The following TRPC4 variants were observed in gnomAD, a reference collection of about 807,000 sequenced individuals.
TRPC4 encodes the protein transient receptor potential cation channel subfamily C member 4.
In TRPC4, 49 loss-of-function variants were observed where a neutral mutation model predicts 99.4. The ratio of observed to expected loss-of-function variants is 0.49; its 90% CI spans 0.39 to 0.63. TRPC4 has a LOEUF of 0.63. TRPC4 is among the 20% of genes least tolerant of loss of function. The probability of loss-of-function intolerance (pLI) is 0.00; values close to 1 mark genes in which losing one functional copy is unlikely to be tolerated. For missense variants in TRPC4, 898 were observed against 1,152.9 expected, an observed-to-expected ratio of 0.78 and a Z score of 3.20; for synonymous variants, 454 against 425.9, an observed-to-expected ratio of 1.07 and a Z score of -0.81.
intron 3 of TRPC4, among the ~76,000 whole-genome samples, chr13:37,729,330 C>A (rs1955168948): frequency 6.6e-6 from 1 of 151,962 alleles, no homozygotes; most frequent in South Asian, 2.1e-4. Context: ...CAGATGATAA[C>A]AATTGTAGGT....
chr13:37,827,457 G>A (rs201125014), intron 1 of TRPC4, among the ~76,000 whole-genome samples: 29 of 151,990 alleles, frequency 1.9e-4, no homozygotes, highest in Admixed American at 8.5e-4. Context: ...TTTGGTGTGG[G>A]TGTCCTTTCT....
intron 3 of TRPC4, among the ~76,000 whole-genome samples, chr13:37,736,333 C>G (rs955376727): frequency 3.9e-5 from 6 of 152,146 alleles, no homozygotes; most frequent in Admixed American, 2.6e-4. Flanking sequence ...AGCAATCGGT[C>G]ATTGAGCATG....
rs1282753515 is a variant in TRPC4, at chr13:37,717,982, G to A, written c.898-25647C>T. On this transcript the variant is annotated intron_variant, in intron 3 of 10. Transcript: ENST00000379705. The stretch of plus-strand genomic sequence containing the variant: ...TTCTTATTTACTTATTTGTTTGCTT[G>A]TATATAGCTAGTAGCCTGAGGGCAG... 2.0e-5 allele frequency among the ~76,000 whole-genome samples: 3 copies of A among 152,246 alleles called. No individual in the cohort carries two copies. In the East Asian group the frequency reaches 5.8e-4, roughly 29 times the overall value.
intron 8 of TRPC4, among the ~76,000 whole-genome samples, chr13:37,649,561 C>T (rs902171766): frequency 4.0e-5 from 6 of 151,482 alleles, no homozygotes; most frequent in Non-Finnish European, 7.4e-5. Context: ...GATGAAACCC[C>T]GTCTCTACTA....
chr13:37,748,798 G>A (rs1335756231), intron 2 of TRPC4, among the ~76,000 whole-genome samples: 1 of 151,630 alleles, frequency 6.6e-6, no homozygotes, highest in Non-Finnish European at 1.5e-5. Flanking sequence ...AAATAACAGT[G>A]TAAAAGTATT....
intron 1 of TRPC4, among the ~76,000 whole-genome samples, chr13:37,850,681 G>A (rs510376): frequency 0.26 from 39,791 of 152,004 alleles, 5,542 homozygotes; most frequent in East Asian, 0.43. Context: ...ATTATATGTA[G>A]TGAATTAACA....
intron 3 of TRPC4, among the ~76,000 whole-genome samples, chr13:37,695,141 T>C (rs1257441119): frequency 1.3e-5 from 2 of 152,116 alleles, no homozygotes; most frequent in Non-Finnish European, 2.9e-5. Context: ...TGCCTCTCTT[T>C]CCCTCCCTGC....
chr13:37,636,150 A>G lies in TRPC4; in HGVS notation c.*753T>C, dbSNP rs1951512045. ...GAAATTCAGTTATTCATAAAGACTC[A>G]TATTTATACTGATAAGCAGTTGAAT... On this transcript the variant is annotated 3_prime_UTR_variant, in exon 11 of 11. Coordinates refer to ENST00000379705, the MANE Select transcript of TRPC4 (RefSeq NM_016179.4). 6.6e-6 allele frequency among the ~76,000 whole-genome samples: 1 copy of G among 152,106 alleles called. No individual in the cohort carries two copies. The highest frequency in any genetic ancestry group is 1.5e-5 in the Non-Finnish European group (1 of 67,984).
intron 1 of TRPC4, among the ~76,000 whole-genome samples, chr13:37,806,269 A>G (rs1298081304): frequency 6.6e-6 from 1 of 152,020 alleles, no homozygotes; most frequent in Non-Finnish European, 1.5e-5. Context: ...TCATCAGTGC[A>G]CTTTTTTTCT....
At chr13:37,754,069 C>G (rs1257417540) in intron 2 of TRPC4, among the ~76,000 whole-genome samples, 1 of 152,114 alleles carries the variant, frequency 6.6e-6, no homozygotes, top group Non-Finnish European at 1.5e-5. Flanking sequence ...AGTTAATTAT[C>G]AACTTTACTA....
chr13:37,784,770 G>A (rs2139358639), intron 1 of TRPC4, among the ~76,000 whole-genome samples: 1 of 151,820 alleles, frequency 6.6e-6, no homozygotes, highest in East Asian at 1.9e-4. Context: ...TTTATTTTGG[G>A]AAATTTTACA....
chr13:37,788,905 T>A (rs1044767325), intron 1 of TRPC4, among the ~76,000 whole-genome samples: 2 of 152,148 alleles, frequency 1.3e-5, no homozygotes, highest in Non-Finnish European at 2.9e-5. Flanking sequence ...TTAACAATCA[T>A]TTCTATGTCT....
At chr13:37,694,532 C>T (rs116737376) in intron 3 of TRPC4, among the ~76,000 whole-genome samples, 3,919 of 152,176 alleles carry the variant, frequency 0.026, 155 homozygotes, top group African/African-American at 0.09. Context: ...TGGATACACA[C>T]ATATATACTC....
intron 1 of TRPC4, among the ~76,000 whole-genome samples, chr13:37,809,162 T>C (rs1237294466): frequency 6.6e-6 from 1 of 152,110 alleles, no homozygotes; most frequent in Non-Finnish European, 1.5e-5. Flanking sequence ...ACCAGCAGTG[T>C]GTAGGGTTGG....
chr13:37,813,939 A>T (rs889270076), intron 1 of TRPC4, among the ~76,000 whole-genome samples: 15 of 151,994 alleles, frequency 9.9e-5, no homozygotes, highest in Non-Finnish European at 1.6e-4. Flanking sequence ...TCCTAAGGAT[A>T]ATAAAAAGAC....
Position 37,634,086 on chromosome 13 carries a change from T to C in TRPC4, c.*2817A>G, listed in dbSNP as rs902274164. Among the ~76,000 whole-genome samples, 2 of 152,066 alleles carry C rather than the reference T, an allele frequency of 1.3e-5. No individual in the cohort carries two copies. The highest frequency in any genetic ancestry group is 4.8e-5 in the African/African-American group (2 of 41,408). ...AGACACAAAATTTAAGAAAAACAGA[T>C]TTTTTAAGATTAAGAGAGTACGAAA... On this transcript the variant is annotated 3_prime_UTR_variant, in exon 11 of 11. Transcript: ENST00000379705.
At chr13:37,860,564 CAAAT>C (rs1485234909) in intron 1 of TRPC4, among the ~76,000 whole-genome samples, 2 of 151,416 alleles carry the variant, frequency 1.3e-5, no homozygotes, top group Non-Finnish European at 3.0e-5. Context: ...CTATGGAGAA[CAAAT>C]AAATCAGTAA....
intron 3 of TRPC4, among the ~76,000 whole-genome samples, chr13:37,725,970 G>A (rs1349099606): frequency 6.6e-6 from 1 of 152,096 alleles, no homozygotes; most frequent in Non-Finnish European, 1.5e-5. Flanking sequence ...GGCTGAGGCA[G>A]GCGGATCACA....
chr13:37,656,280 A>T (rs1289042759), intron 6 of TRPC4, among the ~76,000 whole-genome samples: 1 of 152,180 alleles, frequency 6.6e-6, no homozygotes, highest in Non-Finnish European at 1.5e-5. Context: ...TTCTTGGTAA[A>T]TCGTTAAAAT....
Sources: allele counts gnomAD v4.1 joint callset (sites outside exome capture counted in the v4.1 genomes callset), GRCh38; gene constraint gnomAD v4.1.1; transcripts MANE v1.5; gene names NCBI Gene and HGNC (gene_info 2026-07-23, HGNC 2026-07-21).